The following MYO3B variants were observed in gnomAD, a reference collection of about 807,000 sequenced individuals.
MYO3B encodes the protein myosin IIIB.
Under a neutral mutation model 174.6 loss-of-function variants are expected in MYO3B, and 156 were observed. The observed-to-expected ratio is 0.89, with a 90% CI of 0.78 to 1.02. MYO3B has a LOEUF of 1.02. MYO3B is among the 50% of genes least tolerant of loss of function. The pLI, the probability that MYO3B is intolerant of heterozygous loss-of-function variation, is 0.00. For synonymous variants in MYO3B, 563 were observed against 569.1 expected (o/e 0.99, Z 0.15); for missense variants, 1,632 against 1,639.4 (o/e 1.00, Z 0.08).
At chr2:170,302,067 G>A (rs914531517) in intron 7 of MYO3B, among the ~76,000 whole-genome samples, 5 of 151,886 alleles carry the variant, frequency 3.3e-5, no homozygotes, top group South Asian at 2.1e-4. Context: ...GCATAAGCAC[G>A]TCTTCCCACC....
At chr2:170,283,860 A>G (rs914770183) in intron 7 of MYO3B, among the ~76,000 whole-genome samples, 3 of 152,234 alleles carry the variant, frequency 2.0e-5, no homozygotes, top group African/African-American at 2.4e-5. Flanking sequence ...GATAAGTTGC[A>G]TACTGATTCT....
chr2:170,593,799 C>G (rs1327846503), intron 32 of MYO3B, among the ~76,000 whole-genome samples: 2 of 152,218 alleles, frequency 1.3e-5, no homozygotes, highest in African/African-American at 2.4e-5. Context: ...GTTTCCAGCT[C>G]TCTATGATGT....
chr2:170,509,126 G>T (rs1289131138), intron 28 of MYO3B, among the ~76,000 whole-genome samples: 3 of 152,212 alleles, frequency 2.0e-5, no homozygotes, highest in Non-Finnish European at 2.9e-5. Flanking sequence ...GGAGGCCGAG[G>T]CGGGTGGATC....
chr2:170,190,851 C>G (rs933069138), intron 1 of MYO3B, among the ~76,000 whole-genome samples: 19 of 152,056 alleles, frequency 1.2e-4, no homozygotes, highest in African/African-American at 3.9e-4. Flanking sequence ...CCTACTGTGG[C>G]TGAGCTGCTG....
At chr2:170,291,211 T>C (rs974706182) in intron 7 of MYO3B, among the ~76,000 whole-genome samples, 2 of 152,058 alleles carry the variant, frequency 1.3e-5, no homozygotes, top group Non-Finnish European at 2.9e-5. Flanking sequence ...ATCACACCAT[T>C]GCACTCCAGC....
chr2:170,299,693 C>A lies in MYO3B; in HGVS notation c.750-35692C>A, dbSNP rs770731313. Among the ~76,000 whole-genome samples, 6 of 152,324 alleles carry A rather than the reference C, an allele frequency of 3.9e-5. No homozygotes were observed. In the Middle Eastern group the frequency reaches 0.01, roughly 259 times the overall value. On this transcript the variant is annotated intron_variant, in intron 7 of 34. Transcript: ENST00000408978. ...AAATGGCAGGGCCAGAATTAGAAAT[C>A]GAGCAGTCTAGCTTTCATTATTTTC...
intron 6 of MYO3B, among the ~76,000 whole-genome samples, chr2:170,226,649 A>T (rs1310940580): frequency 1.3e-5 from 2 of 151,974 alleles, no homozygotes; most frequent in Admixed American, 1.3e-4. Context: ...GGAGGTGGTG[A>T]TATGTTATTA....
rs1373291092 is a variant in MYO3B, at chr2:170,483,523, A to C, written c.3015-15069A>C. The stretch of plus-strand genomic sequence containing the variant: ...TGCCTCAGCCTCCCGAATAGCTGGG[A>C]CTACAGGCGCCCGCTACCACGCCCG... On this transcript the variant is annotated intron_variant, in intron 25 of 34. Transcript: ENST00000408978. Among the ~76,000 whole-genome samples the C allele has an allele frequency of 4.3e-5, 6 of 140,828 alleles. 2 individuals carry two copies. The highest frequency in any genetic ancestry group is 1.9e-4 in the African/African-American group (6 of 32,226). 92.4% of individuals were successfully genotyped at this position (140,828 alleles called of 152,430 possible).
chr2:170,324,843 A>G (rs1334078583), intron 7 of MYO3B, among the ~76,000 whole-genome samples: 1 of 152,218 alleles, frequency 6.6e-6, no homozygotes, highest in African/African-American at 2.4e-5. Context: ...TTTGGCTCTC[A>G]GTGGCATTTG....
chr2:170,370,935 C>G (rs938898969), intron 9 of MYO3B, among the ~76,000 whole-genome samples: 1 of 150,228 alleles, frequency 6.7e-6, no homozygotes, highest in Non-Finnish European at 1.5e-5. Context: ...AGAAAAAGAA[C>G]AGGCCAGGTG....
chr2:170,330,071 C>T (rs972917315), intron 7 of MYO3B, among the ~76,000 whole-genome samples: 1 of 152,164 alleles, frequency 6.6e-6, no homozygotes. Flanking sequence ...CTATCTTCCT[C>T]TGTTATTCCC....
chr2:170,216,303 T>C (rs1435043306), intron 5 of MYO3B, among the ~76,000 whole-genome samples: 6 of 152,210 alleles, frequency 3.9e-5, no homozygotes, highest in Non-Finnish European at 2.9e-5. Flanking sequence ...TATAAAAGAA[T>C]ACCTTATGTG....
chr2:170,323,282 A>G (rs2093842254), intron 7 of MYO3B, among the ~76,000 whole-genome samples: 1 of 152,224 alleles, frequency 6.6e-6, no homozygotes, highest in South Asian at 2.1e-4. Flanking sequence ...TTCTCAGCTC[A>G]TACTCTATCG....
At chr2:170,329,680 C>T (rs2093898183) in intron 7 of MYO3B, among the ~76,000 whole-genome samples, 1 of 151,946 alleles carries the variant, frequency 6.6e-6, no homozygotes, top group South Asian at 2.1e-4. Context: ...AGGGGTGAGC[C>T]ACCATGCCCA....
At chr2:170,305,961 C>T (rs2093698193) in intron 7 of MYO3B, among the ~76,000 whole-genome samples, 1 of 152,114 alleles carries the variant, frequency 6.6e-6, no homozygotes, top group African/African-American at 2.4e-5. Flanking sequence ...GGAATCAGGG[C>T]AGAGCTTAGC....
intron 12 of MYO3B, among the ~76,000 whole-genome samples, chr2:170,384,279 T>A (rs1446448402): frequency 2.0e-5 from 3 of 152,108 alleles, no homozygotes; most frequent in Non-Finnish European, 4.4e-5. Context: ...TGCTGAAAAA[T>A]TGTGATAGAT....
intron 14 of MYO3B, among the ~76,000 whole-genome samples, chr2:170,389,432 G>T (rs1289896216): frequency 6.6e-6 from 1 of 152,182 alleles, no homozygotes; most frequent in African/African-American, 2.4e-5. Flanking sequence ...ACCTGCCATG[G>T]ACATGTACTC....
intron 7 of MYO3B, among the ~76,000 whole-genome samples, chr2:170,306,438 C>A (rs905822484): frequency 6.6e-6 from 1 of 152,094 alleles, no homozygotes; most frequent in Non-Finnish European, 1.5e-5. Context: ...TCAGACCATG[C>A]GATGACTTTA....
At chr2:170,319,147 T>C (rs1277328049) in intron 7 of MYO3B, among the ~76,000 whole-genome samples, 1 of 152,224 alleles carries the variant, frequency 6.6e-6, no homozygotes, top group Non-Finnish European at 1.5e-5. Context: ...AAACACTTTA[T>C]GTAGTAGCTC....
Sources: allele counts gnomAD v4.1 joint callset (sites outside exome capture counted in the v4.1 genomes callset), GRCh38; gene constraint gnomAD v4.1.1; transcripts MANE v1.5; gene names NCBI Gene and HGNC (gene_info 2026-07-23, HGNC 2026-07-21).